CLECL1: variants seen among roughly 807,000 people sequenced by gnomAD.
CLECL1 encodes the protein C-type lectin-like domain family 1.
chr12:9,714,817 T>G (rs1222639667), downstream of CLECL1, among the ~76,000 whole-genome samples: 1 of 152,224 alleles, frequency 6.6e-6, no homozygotes, highest in African/African-American at 2.4e-5. Flanking sequence ...ATTTAGAGAC[T>G]GGGCTACATG....
intron 1 of CLECL1, among the ~76,000 whole-genome samples, chr12:9,730,320 A>G (rs1866432030): frequency 6.6e-6 from 1 of 152,252 alleles, no homozygotes; most frequent in African/African-American, 2.4e-5. Context: ...TTGTACTTTT[A>G]GCTTTAGGCT....
the CLECL1 span, among the ~76,000 whole-genome samples, chr12:9,710,436 G>A: frequency 6.6e-6 from 1 of 152,168 alleles, no homozygotes; most frequent in South Asian, 2.1e-4. Context: ...CCTCTTCAGA[G>A]AGGGGAAATA....
chr12:9,733,052 G>A (rs1866470177), upstream of CLECL1: 1 of 1,614,160 alleles, frequency 6.2e-7, no homozygotes, highest in Non-Finnish European at 8.5e-7. Context: ...AAAAGAGAGA[G>A]AAGACCACAA....
chr12:9,722,497 T>A (rs1230928198), downstream of CLECL1: 17 of 1,345,834 alleles, frequency 1.3e-5, no homozygotes, highest in African/African-American at 1.5e-5. Context: ...GGTAATCATG[T>A]AATTCAACAA....
At chr12:9,712,918 A>G (rs943657625), downstream of CLECL1, among the ~76,000 whole-genome samples, 1 of 152,204 alleles carries the variant, frequency 6.6e-6, no homozygotes, top group Admixed American at 6.5e-5. Context: ...TATATGAGAA[A>G]CAAAAACTAT....
At chr12:9,716,682 C>A (rs1234803957) in exon 3 of CLECL1, 9 of 779,634 alleles carry the variant, frequency 1.2e-5, no homozygotes, top group Non-Finnish European at 1.4e-5. Context: ...CCTAAGAAGA[C>A]CCCAGAGACA....
exon 3 of CLECL1, chr12:9,716,757 T>C (rs1051091333): frequency 1.3e-5 from 16 of 1,278,486 alleles, no homozygotes; most frequent in African/African-American, 1.5e-5. Context: ...TATATGCATA[T>C]GTCAAAAAAG....
downstream of CLECL1, chr12:9,718,703 A>T: frequency 1.4e-6 from 1 of 700,214 alleles, no homozygotes; most frequent in Non-Finnish European, 2.6e-6. Context: ...AGAAATTTGG[A>T]TACACAGAGA....
chr12:9,708,413 C>T, the CLECL1 span, among the ~76,000 whole-genome samples: 1 of 152,160 alleles, frequency 6.6e-6, no homozygotes, highest in African/African-American at 2.4e-5. Flanking sequence ...TTGAGACTCT[C>T]TAAATGGACA....
At chr12:9,726,059 C>T (rs7976584) in intron 3 of CLECL1, among the ~76,000 whole-genome samples, 80,352 of 151,770 alleles carry the variant, frequency 0.53, 21,525 homozygotes, top group Middle Eastern at 0.6. Context: ...CTGGAAGAAA[C>T]AATCTTTAAT....
At chr12:9,716,838 T>C in intron 2 of CLECL1, 1 of 934,312 alleles carries the variant, frequency 1.1e-6, no homozygotes, top group East Asian at 6.2e-5. Flanking sequence ...GAGGCAAAAC[T>C]ACTGAATGGA....
downstream of CLECL1, among the ~76,000 whole-genome samples, chr12:9,719,877 C>T (rs1041467886): frequency 4.6e-5 from 7 of 152,326 alleles, no homozygotes; most frequent in Non-Finnish European, 1.0e-4. Flanking sequence ...ATGTCTTCTT[C>T]ATCCTGGGCA....
chr12:9,723,367 A>T (rs1024575921), intron 3 of CLECL1, among the ~76,000 whole-genome samples: 2 of 152,212 alleles, frequency 1.3e-5, no homozygotes, highest in African/African-American at 4.8e-5. Flanking sequence ...TTAGATGATG[A>T]TACAGGGTAT....
At chr12:9,725,263 A>C (rs1866364484) in intron 3 of CLECL1, among the ~76,000 whole-genome samples, 1 of 152,190 alleles carries the variant, frequency 6.6e-6, no homozygotes, top group Non-Finnish European at 1.5e-5. Context: ...GGATAAGCAT[A>C]AAAGTATAAG....
At chr12:9,708,157 C>T in the CLECL1 span, among the ~76,000 whole-genome samples, 2 of 152,168 alleles carry the variant, frequency 1.3e-5, no homozygotes, top group Non-Finnish European at 2.9e-5. Flanking sequence ...GGAACATTCC[C>T]TCCCCTGGCC....
At chr12:9,704,989 T>C in the CLECL1 span, among the ~76,000 whole-genome samples, 35 of 152,336 alleles carry the variant, frequency 2.3e-4, no homozygotes, top group African/African-American at 8.2e-4. Flanking sequence ...ATTGCCATAC[T>C]GTCTTCCACA....
At chr12:9,716,342 A>G (rs1022187180) in exon 3 of CLECL1, 2 of 153,712 alleles carry the variant, frequency 1.3e-5, no homozygotes, top group African/African-American at 4.8e-5. Context: ...CTTCTCGCCA[A>G]ACTTGGTCAT....
the CLECL1 span, among the ~76,000 whole-genome samples, chr12:9,702,462 G>A: frequency 6.6e-6 from 1 of 152,280 alleles, no homozygotes; most frequent in Non-Finnish European, 1.5e-5. Flanking sequence ...ATGGGTAGAG[G>A]ATGGGGTGTG....
chr12:9,713,729 C>T (rs965168188), downstream of CLECL1, among the ~76,000 whole-genome samples: 1 of 152,134 alleles, frequency 6.6e-6, no homozygotes, highest in African/African-American at 2.4e-5. Flanking sequence ...TTTTGGTGAA[C>T]TAAGGTAGCG....
Sources: allele counts gnomAD v4.1 joint callset (sites outside exome capture counted in the v4.1 genomes callset), GRCh38; gene constraint gnomAD v4.1.1; transcripts MANE v1.5; gene names NCBI Gene and HGNC (gene_info 2026-07-23, HGNC 2026-07-21).